OCA2: variants seen among roughly 807,000 people sequenced by gnomAD.
The protein encoded by OCA2 is P protein.
Under a neutral mutation model 100.2 loss-of-function variants are expected in OCA2, and 77 were observed. The ratio of observed to expected loss-of-function variants is 0.77; its 90% CI spans 0.64 to 0.93. The LOEUF is 0.93. OCA2 is among the 40% of genes least tolerant of loss of function. The pLI is 0.00. For missense variants in OCA2, 1,062 were observed against 1,089.1 expected, an observed-to-expected ratio of 0.98 and a Z score of 0.35; for synonymous variants, 432 against 439.2, an observed-to-expected ratio of 0.98 and a Z score of 0.21.
chr15:27,869,984 A>G (rs752317498), intron 21 of OCA2, among the ~76,000 whole-genome samples: 1 of 152,168 alleles, frequency 6.6e-6, no homozygotes, highest in African/African-American at 2.4e-5. Context: ...GGATTACCAC[A>G]CCCAGGCCCT....
chr15:28,093,596 T>C (rs770876010), intron 1 of OCA2, among the ~76,000 whole-genome samples: 28 of 152,148 alleles, frequency 1.8e-4, no homozygotes, highest in Non-Finnish European at 3.2e-4. Context: ...ACAATTGCAC[T>C]CCTGGACATT....
intron 23 of OCA2, among the ~76,000 whole-genome samples, chr15:27,774,025 A>T (rs1316282323): frequency 1.3e-5 from 2 of 152,110 alleles, no homozygotes; most frequent in African/African-American, 4.8e-5. Context: ...ATCTGTTTCT[A>T]TGGTTTTTTT....
intron 19 of OCA2, among the ~76,000 whole-genome samples, chr15:27,894,167 G>T (rs932118134): frequency 6.6e-6 from 1 of 152,144 alleles, no homozygotes; most frequent in Non-Finnish European, 1.5e-5. Context: ...AACCTACGTT[G>T]AAATATTGGG....
At chr15:27,819,949 C>T (rs1279592186) in intron 23 of OCA2, among the ~76,000 whole-genome samples, 1 of 152,026 alleles carries the variant, frequency 6.6e-6, no homozygotes, top group Non-Finnish European at 1.5e-5. Context: ...TCGCAGTGCT[C>T]TAAAATAAGG....
chr15:28,035,439 G>T (rs2043020537), intron 2 of OCA2, among the ~76,000 whole-genome samples: 2 of 152,148 alleles, frequency 1.3e-5, no homozygotes, highest in African/African-American at 4.8e-5. Context: ...GGGCCCTGTT[G>T]CTTGATAGAA....
At chr15:27,910,828 C>A (rs1027554741) in intron 19 of OCA2, among the ~76,000 whole-genome samples, 4 of 151,876 alleles carry the variant, frequency 2.6e-5, no homozygotes, top group African/African-American at 9.7e-5. Context: ...TGGTGGAGGG[C>A]ATCTGTAGTC....
intron 9 of OCA2, among the ~76,000 whole-genome samples, chr15:28,007,534 G>C (rs1276034437): frequency 2.6e-5 from 4 of 152,098 alleles, no homozygotes; most frequent in Middle Eastern, 3.2e-3. Flanking sequence ...TTCGAGACCA[G>C]CCTGGCCAAC....
the OCA2 span, among the ~76,000 whole-genome samples, chr15:27,728,998 CAAG>C: frequency 5.3e-5 from 8 of 152,284 alleles, no homozygotes; most frequent in South Asian, 4.1e-4. Flanking sequence ...TTCCACTCTG[CAAG>C]AAGAAGCCAG....
At chr15:27,752,173 C>A (rs1343018320), downstream of OCA2, among the ~76,000 whole-genome samples, 1 of 152,160 alleles carries the variant, frequency 6.6e-6, no homozygotes, top group Non-Finnish European at 1.5e-5. Flanking sequence ...AGCACACAGA[C>A]CCTTCATCTG....
chr15:28,059,581 A>G (rs932011793), intron 2 of OCA2, among the ~76,000 whole-genome samples: 1 of 152,202 alleles, frequency 6.6e-6, no homozygotes, highest in African/African-American at 2.4e-5. Context: ...CATAAGACAA[A>G]TCTAAATTTG....
intron 1 of OCA2, among the ~76,000 whole-genome samples, chr15:28,097,410 G>A (rs975056403): frequency 1.1e-4 from 17 of 152,240 alleles, no homozygotes; most frequent in African/African-American, 3.9e-4. Context: ...CCGGCTTGTG[G>A]AGTCTCTTCT....
At chr15:28,089,115 G>A (rs940569449) in intron 1 of OCA2, among the ~76,000 whole-genome samples, 4 of 152,190 alleles carry the variant, frequency 2.6e-5, no homozygotes, top group Non-Finnish European at 2.9e-5. Context: ...ATTTGCTTTT[G>A]AAAGAAGAGA....
intron 19 of OCA2, among the ~76,000 whole-genome samples, chr15:27,899,374 G>A (rs923273104): frequency 1.3e-4 from 20 of 152,150 alleles, no homozygotes; most frequent in East Asian, 3.9e-4. Context: ...TTGAGGACCC[G>A]GAGAAGGGGA....
At chr15:27,872,022 A>C (rs1215785315) in intron 19 of OCA2, 100 bp from the exon 20 acceptor site, 16 of 845,508 alleles carry the variant, frequency 1.9e-5, no homozygotes, top group Non-Finnish European at 3.2e-5. Flanking sequence ...AACATAAGGT[A>C]GGCCCAGATT....
At chr15:28,031,732 C>T (rs560457162) in intron 3 of OCA2, among the ~76,000 whole-genome samples, 1 of 152,186 alleles carries the variant, frequency 6.6e-6, no homozygotes, top group Non-Finnish European at 1.5e-5. Context: ...TCTCAGCCCT[C>T]AGTGTGACAA....
intron 23 of OCA2, among the ~76,000 whole-genome samples, chr15:27,782,076 T>C (rs898005689): frequency 2.0e-5 from 3 of 152,250 alleles, no homozygotes; most frequent in African/African-American, 7.2e-5. Flanking sequence ...AATCCTTCTC[T>C]TGCTGTCTCT....
intron 2 of OCA2, among the ~76,000 whole-genome samples, chr15:28,080,579 C>T (rs150479234): frequency 2.6e-5 from 4 of 152,216 alleles, no homozygotes; most frequent in Admixed American, 6.5e-5. Flanking sequence ...AGCATGAGCA[C>T]GCAAGCTGGG....
chr15:28,003,793 G>A (rs909694751), intron 9 of OCA2, among the ~76,000 whole-genome samples: 3 of 152,202 alleles, frequency 2.0e-5, no homozygotes, highest in African/African-American at 7.2e-5. Context: ...AGCCCAGCCT[G>A]CTCGCGTCCT....
At chr15:28,045,225 G>A (rs528660203) in intron 2 of OCA2, among the ~76,000 whole-genome samples, 33 of 152,220 alleles carry the variant, frequency 2.2e-4, no homozygotes, top group African/African-American at 7.5e-4. Flanking sequence ...AGGGTTTACA[G>A]TATACATCTT....
Sources: gnomAD v4.1 joint callset for allele counts (sites outside exome capture counted in the v4.1 genomes callset) on GRCh38, gnomAD v4.1.1 for gene constraint, MANE v1.5 for transcripts, NCBI Gene and HGNC (gene_info 2026-07-23, HGNC 2026-07-21) for gene names.